The following PLCG2 variants were observed in gnomAD, a reference collection of about 807,000 sequenced individuals.
PLCG2 encodes the protein phospholipase C gamma 2, also known as 1-phosphatidylinositol 4,5-bisphosphate phosphodiesterase gamma-2.
PLCG2 carries 69 observed loss-of-function variants against 175.6 expected under a neutral mutation model. The ratio of observed to expected loss-of-function variants is 0.39; its 90% CI spans 0.32 to 0.48. The LOEUF (loss-of-function observed/expected upper bound fraction) is 0.48, where lower values mean the gene tolerates loss of function less well. Among genes scored for constraint, PLCG2 ranks in the 20% least tolerant of loss-of-function variants. PLCG2 has a pLI of 0.91. For missense variants in PLCG2, 1,798 were observed against 1,650.9 expected (o/e 1.09, Z -1.54); for synonymous variants, 827 against 624.0 (o/e 1.33, Z -4.85).
At chr16:81,828,346 C>T (rs1385529109) in intron 2 of PLCG2, among the ~76,000 whole-genome samples, 11 of 149,448 alleles carry the variant, frequency 7.4e-5, no homozygotes, top group African/African-American at 2.7e-4. Flanking sequence ...CCCAAGTACA[C>T]GCCATTCTCC....
At chr16:81,751,070 T>G (rs1018525035) in intron 1 of PLCG2, among the ~76,000 whole-genome samples, 1 of 133,632 alleles carries the variant, frequency 7.5e-6, no homozygotes, top group Non-Finnish European at 1.6e-5. Flanking sequence ...AACCTCCACC[T>G]CCAGGGTTTA....
chr16:81,779,333 A>T lies in PLCG2; in HGVS notation c.-139A>T, dbSNP rs1211757667. ...GCGGCGGAGGGCGTGAGCGGCGCTG[A>T]GTGACCCGAGTCGGGACGCGGGCTG... On this transcript the variant is annotated 5_prime_UTR_variant, in exon 1 of 33. Transcript: ENST00000564138. 6.6e-6 allele frequency: 1 copy of T among 150,502 alleles called. No individual in the cohort carries two copies. Among genetic ancestry groups the T allele is most frequent in the Admixed American group, 6.6e-5 (1 of 15,120 alleles). 9.3% of individuals were successfully genotyped at this position (150,502 alleles called of 1,614,324 possible).
intron 19 of PLCG2, 22 bp downstream of exon 19, chr16:81,912,738 A>G: frequency 6.3e-7 from 1 of 1,577,504 alleles, no homozygotes; most frequent in East Asian, 2.3e-5. Context: ...GGTGGGAGGC[A>G]CATGCTCTAC....
At chr16:81,847,276 C>A (rs1267741712) in intron 2 of PLCG2, among the ~76,000 whole-genome samples, 2 of 152,156 alleles carry the variant, frequency 1.3e-5, no homozygotes, top group Non-Finnish European at 2.9e-5. Flanking sequence ...GGCATGCCAC[C>A]CGCCAGAAAC....
At chr16:81,935,765 G>C in intron 26 of PLCG2, 1 of 985,344 alleles carries the variant, frequency 1.0e-6, no homozygotes. Context: ...GCTTTGGCAG[G>C]TGATTCTCAG....
chr16:81,782,687 G>C (rs912623663), intron 1 of PLCG2, among the ~76,000 whole-genome samples: 13 of 152,192 alleles, frequency 8.5e-5, no homozygotes, highest in Non-Finnish European at 1.3e-4. Context: ...AGAAATCAAG[G>C]AAGTTTTTCT....
chr16:81,785,433 G>T (rs1167377863), intron 1 of PLCG2, among the ~76,000 whole-genome samples: 1 of 152,074 alleles, frequency 6.6e-6, no homozygotes, highest in Non-Finnish European at 1.5e-5. Context: ...TCTATGCAGA[G>T]GAACCATTTG....
At chr16:81,827,047 A>G (rs144255365) in intron 2 of PLCG2, among the ~76,000 whole-genome samples, 254 of 152,304 alleles carry the variant, frequency 1.7e-3, no homozygotes, top group African/African-American at 5.9e-3. Context: ...TGTTTTGCAG[A>G]TTCCTAAGCC....
chr16:81,881,907 C>T (rs1254567737), intron 8 of PLCG2, among the ~76,000 whole-genome samples: 1 of 152,072 alleles, frequency 6.6e-6, no homozygotes, highest in Non-Finnish European at 1.5e-5. Flanking sequence ...CTGCCTTGGC[C>T]TCCCGAAGTG....
chr16:81,845,628 C>T (rs529379347), intron 2 of PLCG2, among the ~76,000 whole-genome samples: 9 of 152,204 alleles, frequency 5.9e-5, no homozygotes, highest in African/African-American at 2.2e-4. Context: ...AATCTTGTTC[C>T]CAGCCTCGGG....
chr16:81,802,952 A>G (rs889394156), intron 2 of PLCG2, among the ~76,000 whole-genome samples: 10 of 152,146 alleles, frequency 6.6e-5, no homozygotes, highest in African/African-American at 2.2e-4. Flanking sequence ...ACATTATCAT[A>G]ATCAGTTTTA....
intron 2 of PLCG2, among the ~76,000 whole-genome samples, chr16:81,840,045 T>G (rs944624840): frequency 1.3e-5 from 2 of 152,178 alleles, no homozygotes; most frequent in Non-Finnish European, 2.9e-5. Context: ...TGACAGGGCA[T>G]GACCTTGTCT....
At chr16:81,804,817 G>A (rs1911918533) in intron 2 of PLCG2, among the ~76,000 whole-genome samples, 1 of 152,208 alleles carries the variant, frequency 6.6e-6, no homozygotes, top group Non-Finnish European at 1.5e-5. Context: ...AAATGTCATT[G>A]GGAAGTGCTG....
rs778670389 is a variant in PLCG2, at chr16:81,905,543, A to G, written c.1467+36A>G. ...GTCCCTTCCCGTAGCCACTGCGGCC[A>G]CGCCCCTTGCAGCTGCTTCTTGGAG... On this transcript the variant is annotated intron_variant, in intron 15 of 32. Coordinates refer to ENST00000564138, the MANE Select transcript of PLCG2 (RefSeq NM_002661.5). The G allele has an allele frequency of 2.3e-5, 33 of 1,432,616 alleles. No individual in the cohort carries two copies. The Admixed American group carries it at 5.3e-4, about 23-fold the overall frequency. The allele number at this position is 1,432,616 out of a possible 1,614,324, so 88.7% of individuals were successfully genotyped here. A position where few individuals can be genotyped will look rare whatever the true frequency, so the allele number is the denominator to read the frequency against.
At chr16:81,893,912 C>T in intron 12 of PLCG2, 118 bp downstream of exon 12, 1 of 616,270 alleles carries the variant, frequency 1.6e-6, no homozygotes, top group Non-Finnish European at 2.9e-6. Flanking sequence ...AATAACTGTG[C>T]ATATTTATGG....
At chr16:81,864,595 C>T (rs531762957) in intron 5 of PLCG2, among the ~76,000 whole-genome samples, 38 of 152,328 alleles carry the variant, frequency 2.5e-4, no homozygotes, top group African/African-American at 8.7e-4. Context: ...TTCCCGCCTC[C>T]CAGGGCAGAT....
chr16:81,872,017 C>T (rs1231037305), intron 7 of PLCG2, among the ~76,000 whole-genome samples: 1 of 152,130 alleles, frequency 6.6e-6, no homozygotes, highest in Non-Finnish European at 1.5e-5. Flanking sequence ...GGAGTCAGGT[C>T]TGCTATTTTG....
At position 81,805,767 on chromosome 16, in the gene PLCG2, G is replaced by GTTTTTTT. The variant is rs766609754; in HGVS notation, c.193+19594_193+19600dup. Among the ~76,000 whole-genome samples, 43 of 39,488 alleles carry GTTTTTTT rather than the reference G, an allele frequency of 1.1e-3. 2 individuals carry two copies. The highest frequency in any genetic ancestry group is 1.8e-3 in the African/African-American group (15 of 8,164). 25.9% of individuals were successfully genotyped at this position (39,488 alleles called of 152,430 possible). ...AGCCATGAGAGTAGTGTTTTGTTTTGTTTTTTTTTTTTTTTGTTTTTTTTT... is the reference window on the plus strand; with the variant it reads ...AGCCATGAGAGTAGTGTTTTGTTTTGTTTTTTTTTTTTTTTTTTTTTTGTTTTTTTTT... On this transcript the variant is annotated intron_variant, in intron 2 of 32. Coordinates refer to ENST00000564138, the MANE Select transcript of PLCG2 (RefSeq NM_002661.5).
rs182857110 is a variant in PLCG2, at chr16:81,857,164, G to T, written c.338-1099G>T. 1.1e-3 allele frequency among the ~76,000 whole-genome samples: 164 copies of T among 152,308 alleles called. 2 individuals carry two copies. Among genetic ancestry groups the T allele is most frequent in the Non-Finnish European group, 2.9e-4 (20 of 68,014 alleles). On this transcript the variant is annotated intron_variant, in intron 3 of 32. Transcript: ENST00000564138. ...GAACCTTTGATATACTTTGGCACCA[G>T]GCAGGTGTTTCCACCTGTTGATGTC...
Sources: allele counts gnomAD v4.1 joint callset (sites outside exome capture counted in the v4.1 genomes callset), GRCh38; gene constraint gnomAD v4.1.1; transcripts MANE v1.5; gene names NCBI Gene and HGNC (gene_info 2026-07-23, HGNC 2026-07-21).